RXRA: variants seen among roughly 807,000 people sequenced by gnomAD.
The protein encoded by RXRA is retinoic acid receptor RXR-alpha.
In RXRA, 5 loss-of-function variants were observed where a neutral mutation model predicts 44.5. That is an observed-to-expected ratio of 0.11 (90% confidence interval 0.06 to 0.24). The LOEUF (loss-of-function observed/expected upper bound fraction) is 0.24, where lower values mean the gene tolerates loss of function less well. RXRA is among the 10% of genes least tolerant of loss of function. The pLI, the probability that RXRA is intolerant of heterozygous loss-of-function variation, is 1.00. For synonymous variants in RXRA, 291 were observed against 271.4 expected (o/e 1.07, Z -0.71); for missense variants, 412 against 646.5 (o/e 0.64, Z 3.93).
At chr9:134,390,313 A>G (rs796586660) in intron 1 of RXRA, among the ~76,000 whole-genome samples, 38 of 152,216 alleles carry the variant, frequency 2.5e-4, no homozygotes, top group African/African-American at 9.1e-4. Flanking sequence ...CCTCCTCTCC[A>G]TTGCCGTCCC....
In RXRA at chr9:134,336,097, A is replaced by G. The variant is rs527783573; in HGVS notation, c.28+9438A>G. 1.7e-3 allele frequency among the ~76,000 whole-genome samples: 254 copies of G among 152,270 alleles called. 1 individual carries two copies. The highest frequency in any genetic ancestry group is 0.015 in the Admixed American group (225 of 15,302). On this transcript the variant is annotated intron_variant, in intron 1 of 9. Coordinates refer to ENST00000481739, the MANE Select transcript of RXRA (RefSeq NM_002957.6). Reference sequence around the variant, plus strand: ...CAGGATCAAGGTCGAGGTGTAGGGCAGGGAGGCGGGGCCTTCGTCAGGGGT... The same window carrying G: ...CAGGATCAAGGTCGAGGTGTAGGGCGGGGAGGCGGGGCCTTCGTCAGGGGT...
chr9:134,415,779 C>T (rs796409492), intron 4 of RXRA, among the ~76,000 whole-genome samples: 5 of 152,118 alleles, frequency 3.3e-5, no homozygotes, highest in South Asian at 4.1e-4. Flanking sequence ...GGAGGAGATA[C>T]GGTGGGAAGG....
intron 1 of RXRA, among the ~76,000 whole-genome samples, chr9:134,376,005 G>T (rs948345431): frequency 6.8e-6 from 1 of 147,974 alleles, no homozygotes; most frequent in Non-Finnish European, 1.5e-5. Context: ...CAGCCTGCTG[G>T]CCTCCCTTCT....
At chr9:134,399,926 G>T (rs1427222021) in intron 1 of RXRA, among the ~76,000 whole-genome samples, 1 of 152,242 alleles carries the variant, frequency 6.6e-6, no homozygotes, top group Non-Finnish European at 1.5e-5. Context: ...AAGAGGGGGT[G>T]TGTGGAGCAG....
At chr9:134,397,772 G>C (rs555311036) in intron 1 of RXRA, among the ~76,000 whole-genome samples, 32 of 152,266 alleles carry the variant, frequency 2.1e-4, no homozygotes, top group Admixed American at 2.0e-3. Context: ...AGGTTCTGAG[G>C]TTCCCAGATC....
intron 1 of RXRA, among the ~76,000 whole-genome samples, chr9:134,355,415 C>T (rs765042522): frequency 7.9e-5 from 12 of 152,122 alleles, no homozygotes; most frequent in Non-Finnish European, 1.8e-4. Flanking sequence ...CTCCGAAAAG[C>T]TGGGAGGGTG....
intron 4 of RXRA, among the ~76,000 whole-genome samples, chr9:134,410,711 G>GT (rs926902953): frequency 6.6e-6 from 1 of 152,192 alleles, no homozygotes; most frequent in African/African-American, 2.4e-5. Flanking sequence ...GGAGCTGGGG[G>GT]GGGAAGGCCT....
Position 134,433,807 on chromosome 9 carries a change from G to A in RXRA, c.1136-295G>A, listed in dbSNP as rs1261622446. On this transcript the variant is annotated intron_variant, in intron 8 of 9. Transcript: ENST00000481739. This position sits in a 1 kb window ranked among gnomAD's most constrained non-coding sequence, Gnocchi z 4.2. Reference sequence around the variant, plus strand: ...GGCAGCAGATCCCTGACACTTTATCGATGGGGAAACCGAGTCTCTGGAGGT... The same window carrying A: ...GGCAGCAGATCCCTGACACTTTATCAATGGGGAAACCGAGTCTCTGGAGGT... Among the ~76,000 whole-genome samples, 4 of 152,308 alleles carry A rather than the reference G, an allele frequency of 2.6e-5. No homozygotes were observed. The highest frequency in any genetic ancestry group is 5.9e-5 in the Non-Finnish European group (4 of 68,006).
At chr9:134,361,466 C>G (rs1830350859) in intron 1 of RXRA, among the ~76,000 whole-genome samples, 1 of 152,120 alleles carries the variant, frequency 6.6e-6, no homozygotes, top group African/African-American at 2.4e-5. Context: ...TCTTTGTCTC[C>G]CGGCTGGGTG....
rs1831079704 is a variant in RXRA at position 134,407,843 on chromosome 9, C to T, written c.280-306C>T. Among the ~76,000 whole-genome samples, 1 of 151,952 alleles carries T rather than the reference C, an allele frequency of 6.6e-6. No homozygotes were observed. Among genetic ancestry groups the T allele is most frequent in the Admixed American group, 6.5e-5 (1 of 15,270 alleles). ...AGCTCTCATTTAGGTGGGCAGCGGGCAGGGGGTTGCAAGCAGGGACCGCCC... is the reference window on the plus strand; with the variant it reads ...AGCTCTCATTTAGGTGGGCAGCGGGTAGGGGGTTGCAAGCAGGGACCGCCC... On this transcript the variant is annotated intron_variant, in intron 2 of 9. Coordinates refer to ENST00000481739, the MANE Select transcript of RXRA (RefSeq NM_002957.6). The surrounding 1 kb of genome is among the most constrained non-coding windows in gnomAD (Gnocchi z 4.8).
rs915264633 is a variant in RXRA, at chr9:134,436,881, C to T, written c.*267C>T. 7 of 457,712 alleles carry T rather than the reference C, an allele frequency of 1.5e-5. No individual in the cohort carries two copies. Among genetic ancestry groups the T allele is most frequent in the African/African-American group, 3.9e-5 (2 of 51,074 alleles). The allele number at this position is 457,712 out of a possible 1,614,324, so 28.4% of individuals were successfully genotyped here. ...TGAGCCCAGCCAGGCGCCTCCCCAC[C>T]GGGCTCTCAGGACACCCTGCCACAC... is the stretch of plus-strand genomic sequence containing the variant. On this transcript the variant is annotated 3_prime_UTR_variant, in exon 10 of 10. Coordinates refer to ENST00000481739, the MANE Select transcript of RXRA (RefSeq NM_002957.6).
rs1016819176 is a variant in RXRA at position 134,425,894 on chromosome 9, T to C, written c.911-3214T>C. ...AGGAGTCGGTGTTATTACTGTCCCT[T>C]GTGCTGCGGAAGTGGTGGCTCAGAG... On this transcript the variant is annotated intron_variant, in intron 6 of 9. Coordinates refer to ENST00000481739, the MANE Select transcript of RXRA (RefSeq NM_002957.6). 6.1e-6 allele frequency: 6 copies of C among 985,248 alleles called. No individual in the cohort carries two copies. In the African/African-American group the frequency reaches 8.7e-5, roughly 14 times the overall value. The allele number at this position is 985,248 out of a possible 1,614,324, so 61.0% of individuals were successfully genotyped here. A position where few individuals can be genotyped will look rare whatever the true frequency, so the allele number is the denominator to read the frequency against.
Position 134,385,966 on chromosome 9 carries a change from C to T in RXRA, c.29-15666C>T, listed in dbSNP as rs563054282. 4.6e-5 allele frequency among the ~76,000 whole-genome samples: 7 copies of T among 152,368 alleles called. No individual in the cohort carries two copies. The East Asian group carries it at 9.6e-4, about 21-fold the overall frequency. ...CGGCACCAGCTGCGGGTGTGACGGT[C>T]GTGTCTCGGATTGAGGAAATGAGGC... is the stretch of plus-strand genomic sequence containing the variant. On this transcript the variant is annotated intron_variant, in intron 1 of 9. Coordinates refer to ENST00000481739, the MANE Select transcript of RXRA (RefSeq NM_002957.6).
At position 134,438,165 on chromosome 9, in the gene RXRA, G is replaced by A. The variant is rs954142826; in HGVS notation, c.*1551G>A. ...GAGGGTGGATGGGGGGGATACCGGA[G>A]GGGGTCTTGTCTTCCCAGCCGCAGT... On this transcript the variant is annotated 3_prime_UTR_variant, in exon 10 of 10. Transcript: ENST00000481739. The A allele has an allele frequency of 6.5e-6, 1 of 153,068 alleles. No individual in the cohort carries two copies. Among genetic ancestry groups the A allele is most frequent in the Non-Finnish European group, 1.5e-5 (1 of 68,512 alleles). 9.5% of individuals were successfully genotyped at this position (153,068 alleles called of 1,614,324 possible). A position where few individuals can be genotyped will look rare whatever the true frequency, so the allele number is the denominator to read the frequency against.
At chr9:134,358,786 T>A (rs1460753311) in intron 1 of RXRA, among the ~76,000 whole-genome samples, 2 of 151,982 alleles carry the variant, frequency 1.3e-5, no homozygotes, top group African/African-American at 4.8e-5. Context: ...GTGTGCTGGC[T>A]TTGGGAACGT....
intron 1 of RXRA, among the ~76,000 whole-genome samples, chr9:134,331,866 C>G (rs559189140): frequency 6.6e-6 from 1 of 152,328 alleles, no homozygotes; most frequent in African/African-American, 2.4e-5. Flanking sequence ...TGCCCCTGGT[C>G]CTCCTGCCTC....
intron 1 of RXRA, among the ~76,000 whole-genome samples, chr9:134,370,261 T>C (rs11787956): frequency 0.27 from 40,704 of 151,910 alleles, 5,583 homozygotes; most frequent in African/African-American, 0.33. Context: ...GCTTGAGCAC[T>C]GGCTCCGCCG....
At chr9:134,373,380 G>C (rs1233873368) in intron 1 of RXRA, among the ~76,000 whole-genome samples, 1 of 152,192 alleles carries the variant, frequency 6.6e-6, no homozygotes, top group Non-Finnish European at 1.5e-5. Context: ...GCCTGCTGCT[G>C]TGTGCCGGGC....
At chr9:134,425,421 C>A in intron 6 of RXRA, 1 of 985,156 alleles carries the variant, frequency 1.0e-6, no homozygotes, top group South Asian at 4.7e-5. Context: ...CAGGTTTCTC[C>A]GTCCAACCTC....
Sources: allele counts gnomAD v4.1 joint callset (sites outside exome capture counted in the v4.1 genomes callset), GRCh38; gene constraint gnomAD v4.1.1; non-coding constraint Gnocchi (gnomAD v3.1); transcripts MANE v1.5; gene names NCBI Gene and HGNC (gene_info 2026-07-23, HGNC 2026-07-21).